ADARB2: variants seen among roughly 807,000 people sequenced by gnomAD.
The protein encoded by ADARB2 is inactive double-stranded RNA-specific editase B2.
A neutral mutation model predicts 62.2 loss-of-function variants in ADARB2; 25 were observed. The ratio of observed to expected loss-of-function variants is 0.40; its 90% CI spans 0.29 to 0.56. ADARB2 has a LOEUF of 0.56. Ranked by LOEUF, ADARB2 falls within the 20% of genes least tolerant of loss-of-function variation. The probability of loss-of-function intolerance (pLI) is 0.43; values close to 1 mark genes in which losing one functional copy is unlikely to be tolerated. For synonymous variants in ADARB2, 572 were observed against 500.8 expected, an observed-to-expected ratio of 1.14 and a Z score of -1.90; for missense variants, 1,071 against 1,077.4, an observed-to-expected ratio of 0.99 and a Z score of 0.08.
At chr10:1,271,514 C>T (rs913318170) in intron 3 of ADARB2, among the ~76,000 whole-genome samples, 4 of 152,226 alleles carry the variant, frequency 2.6e-5, no homozygotes, top group African/African-American at 7.2e-5. Flanking sequence ...ATGGCTGGCG[C>T]TGTGGCTCTC....
chr10:1,483,285 A>G lies in ADARB2; in HGVS notation c.101-104125T>C, dbSNP rs147833506. 3.4e-4 allele frequency among the ~76,000 whole-genome samples: 52 copies of G among 152,372 alleles called. 3 individuals carry two copies. The East Asian group carries it at 8.1e-3, about 24-fold the overall frequency. Reference sequence around the variant, plus strand: ...TTTCAACACGTTTCTGTTTCAAACAAAGTAGTTATTTTGTTAGTCATTTTT... The same window carrying G: ...TTTCAACACGTTTCTGTTTCAAACAGAGTAGTTATTTTGTTAGTCATTTTT... On this transcript the variant is annotated intron_variant, in intron 1 of 9. Coordinates refer to ENST00000381312, the MANE Select transcript of ADARB2 (RefSeq NM_018702.4).
intron 2 of ADARB2, among the ~76,000 whole-genome samples, chr10:1,369,691 A>G (rs1162483590): frequency 1.0e-5 from 1 of 100,496 alleles, no homozygotes; most frequent in African/African-American, 3.3e-5. Context: ...TAGGCTCACA[A>G]AGCCTGATTA....
intron 1 of ADARB2, among the ~76,000 whole-genome samples, chr10:1,667,620 G>A (rs1232927778): frequency 6.6e-6 from 1 of 152,122 alleles, no homozygotes; most frequent in Non-Finnish European, 1.5e-5. Flanking sequence ...CATAATTGGA[G>A]GATGCTTGAC....
At chr10:1,412,690 T>C (rs534471491) in intron 1 of ADARB2, among the ~76,000 whole-genome samples, 191 of 152,268 alleles carry the variant, frequency 1.3e-3, no homozygotes, top group Non-Finnish European at 2.2e-3. Context: ...AATTTGTGGT[T>C]GCCAGGTGCA....
chr10:1,601,783 A>G (rs570014922), intron 1 of ADARB2, among the ~76,000 whole-genome samples: 1 of 152,302 alleles, frequency 6.6e-6, no homozygotes, highest in Non-Finnish European at 1.5e-5. Flanking sequence ...TCTTTCAAAG[A>G]AATCTTTAGG....
At chr10:1,388,574 T>G (rs1318992788) in intron 1 of ADARB2, among the ~76,000 whole-genome samples, 2 of 151,952 alleles carry the variant, frequency 1.3e-5, no homozygotes, top group African/African-American at 4.8e-5. Flanking sequence ...TATGTACCAG[T>G]AATGAAAAAG....
chr10:1,713,315 T>C (rs377663552), intron 1 of ADARB2, among the ~76,000 whole-genome samples: 37 of 152,316 alleles, frequency 2.4e-4, no homozygotes, highest in South Asian at 1.9e-3. Flanking sequence ...CGGACCGGCA[T>C]CCAACCACCT....
intron 8 of ADARB2, among the ~76,000 whole-genome samples, chr10:1,190,826 C>A (rs1836832179): frequency 6.6e-6 from 1 of 152,242 alleles, no homozygotes; most frequent in Non-Finnish European, 1.5e-5. Flanking sequence ...TCTGCAAAGA[C>A]CCCTTTTTTC....
At chr10:1,259,322 A>G (rs948530789) in intron 4 of ADARB2, among the ~76,000 whole-genome samples, 8 of 152,224 alleles carry the variant, frequency 5.3e-5, no homozygotes, top group Non-Finnish European at 1.0e-4. Context: ...AAGGAAATAG[A>G]GACACAAAAA....
intron 1 of ADARB2, among the ~76,000 whole-genome samples, chr10:1,510,096 T>C (rs1240255101): frequency 5.6e-5 from 7 of 124,830 alleles, no homozygotes; most frequent in Admixed American, 3.7e-4. Flanking sequence ...TCTCTCTCTC[T>C]TTTCTTTCTT....
rs74108982 is a variant in ADARB2, at chr10:1,681,035, A to C, written c.100+56016T>G. Among the ~76,000 whole-genome samples, 134 of 152,300 alleles carry C rather than the reference A, an allele frequency of 8.8e-4. 1 individual carries two copies. The highest frequency in any genetic ancestry group is 3.0e-3 in the African/African-American group (126 of 41,570). ...AGGGGTTAGGGACCCCCCTGGAGTC[A>C]TGACTTAAATGGGCCTGAGAGAAGT... On this transcript the variant is annotated intron_variant, in intron 1 of 9. Transcript: ENST00000381312.
chr10:1,729,656 C>T (rs947240420), intron 1 of ADARB2, among the ~76,000 whole-genome samples: 5 of 152,170 alleles, frequency 3.3e-5, no homozygotes, highest in African/African-American at 1.2e-4. Flanking sequence ...TAATCATTAT[C>T]AGCGCCCTAG....
rs1412754355 is a variant in ADARB2 at position 1,737,055 on chromosome 10, C to G, written c.96G>C (p.Arg32=). 2 of 1,611,088 alleles carry G rather than the reference C, an allele frequency of 1.2e-6. No individual in the cohort carries two copies. Among genetic ancestry groups the G allele is most frequent in the Non-Finnish European group, 1.7e-6 (2 of 1,179,908 alleles). The change falls in exon 1 of 10, where the codon CGG becomes CGC. Residue 32 remains arginine (R), a synonymous_variant. Transcript: ENST00000381312. ...SKRRRRRRSK[R]KDKVSILSTF... ...GGCGCGCCACGCGGTCCTTACCTTT[C>G]CGCTTGGACCTCCGCCTCCTCCTCC...
At chr10:1,535,562 AC>A (rs1170717500) in intron 1 of ADARB2, 1 of 167,266 alleles carries the variant, frequency 6.0e-6, no homozygotes, top group African/African-American at 2.4e-5. Context: ...GTGATTTATA[AC>A]ATCAAACTCA....
chr10:1,280,383 T>A (rs1831359172), intron 3 of ADARB2, among the ~76,000 whole-genome samples: 1 of 152,220 alleles, frequency 6.6e-6, no homozygotes, highest in African/African-American at 2.4e-5. Context: ...CTGCCCCTCA[T>A]AGGCTTTATC....
chr10:1,370,563 C>A (rs898741979), intron 2 of ADARB2, among the ~76,000 whole-genome samples: 7 of 152,208 alleles, frequency 4.6e-5, no homozygotes, highest in African/African-American at 1.7e-4. Context: ...CCTAAAGACT[C>A]CTCTAAAAGA....
intron 1 of ADARB2, among the ~76,000 whole-genome samples, chr10:1,437,369 T>C (rs1033933575): frequency 5.3e-5 from 8 of 152,190 alleles, no homozygotes; most frequent in African/African-American, 1.7e-4. Flanking sequence ...CTATGTATAG[T>C]TGCAATTCAT....
chr10:1,418,944 G>C (rs2820662), intron 1 of ADARB2, among the ~76,000 whole-genome samples: 38,678 of 151,946 alleles, frequency 0.25, 6,766 homozygotes, highest in East Asian at 0.62. Flanking sequence ...TATGTAGGCT[G>C]CATGGTCGAG....
intron 1 of ADARB2, among the ~76,000 whole-genome samples, chr10:1,507,781 G>T (rs534141110): frequency 6.6e-6 from 1 of 152,144 alleles, no homozygotes; most frequent in Non-Finnish European, 1.5e-5. Flanking sequence ...TTAGGCATAC[G>T]CAGCTTTCCT....
Sources: gnomAD v4.1 joint callset for allele counts (sites outside exome capture counted in the v4.1 genomes callset) on GRCh38, gnomAD v4.1.1 for gene constraint, MANE v1.5 for transcripts, NCBI Gene and HGNC (gene_info 2026-07-23, HGNC 2026-07-21) for gene names.